Variants in INPP4B observed in about 807,000 individuals in gnomAD.
INPP4B encodes the protein inositol polyphosphate-4-phosphatase type II B.
Under a neutral mutation model 122.5 loss-of-function variants are expected in INPP4B, and 55 were observed. The observed-to-expected ratio is 0.45, with a 90% CI of 0.36 to 0.56. The LOEUF is 0.56. Ranked by LOEUF, INPP4B falls within the 20% of genes least tolerant of loss-of-function variation. INPP4B has a pLI of 0.00. For synonymous variants in INPP4B, 403 were observed against 388.7 expected (o/e 1.04, Z -0.43); for missense variants, 1,000 against 1,097.7 (o/e 0.91, Z 1.26).
intron 10 of INPP4B, among the ~76,000 whole-genome samples, chr4:142,263,416 C>A (rs1420269755): frequency 4.0e-5 from 6 of 151,758 alleles, no homozygotes; most frequent in Admixed American, 3.9e-4. Context: ...ATTGATCCAC[C>A]AATTGTTATG....
At chr4:142,629,203 G>A (rs544963093) in intron 2 of INPP4B, among the ~76,000 whole-genome samples, 16 of 152,114 alleles carry the variant, frequency 1.1e-4, no homozygotes, top group African/African-American at 3.6e-4. Flanking sequence ...TGCTTCCCAG[G>A]GAACTGGCAA....
At chr4:142,678,226 G>C (rs1283414920) in intron 2 of INPP4B, among the ~76,000 whole-genome samples, 2 of 151,858 alleles carry the variant, frequency 1.3e-5, no homozygotes, top group East Asian at 3.9e-4. Flanking sequence ...AATAAAAATT[G>C]AGTCAGTTCA....
intron 2 of INPP4B, among the ~76,000 whole-genome samples, chr4:142,671,026 T>C (rs1488945549): frequency 6.6e-6 from 1 of 152,268 alleles, no homozygotes; most frequent in African/African-American, 2.4e-5. Context: ...AATCTTAATG[T>C]AAATTTACCT....
chr4:142,360,505 G>T lies in INPP4B; in HGVS notation c.372+42433C>A, dbSNP rs78176185. ...GTTACCCTGAACGTACATATCACAC[G>T]TTTTTATTTCCAACGACTACTTCAT... On this transcript the variant is annotated intron_variant, in intron 7 of 25. Coordinates refer to ENST00000262992, the MANE Select transcript of INPP4B (RefSeq NM_001101669.3). Among the ~76,000 whole-genome samples the T allele has an allele frequency of 8.8e-3, 1,340 of 152,026 alleles. 26 individuals are homozygous for T. The highest frequency in any genetic ancestry group is 0.03 in the African/African-American group (1,226 of 41,524).
At chr4:142,510,164 A>G (rs779628090) in intron 2 of INPP4B, among the ~76,000 whole-genome samples, 1 of 152,226 alleles carries the variant, frequency 6.6e-6, no homozygotes, top group Non-Finnish European at 1.5e-5. Flanking sequence ...ATTTTTCTAT[A>G]TAGAATAATT....
At chr4:142,031,844 T>C (rs1740408100) in intron 25 of INPP4B, among the ~76,000 whole-genome samples, 1 of 152,236 alleles carries the variant, frequency 6.6e-6, no homozygotes, top group South Asian at 2.1e-4. Context: ...TAGTGTCTAC[T>C]ATGAACCAAT....
chr4:142,458,183 C>A (rs370414241), intron 3 of INPP4B, among the ~76,000 whole-genome samples: 1 of 152,042 alleles, frequency 6.6e-6, no homozygotes, highest in African/African-American at 2.4e-5. Flanking sequence ...AGGTGGCCAG[C>A]TCAAAAGGCT....
At chr4:142,127,536 A>G (rs774503298) in intron 18 of INPP4B, among the ~76,000 whole-genome samples, 1 of 152,066 alleles carries the variant, frequency 6.6e-6, no homozygotes, top group Non-Finnish European at 1.5e-5. Context: ...CCAGGATAAA[A>G]GGAACACACA....
chr4:142,415,449 A>G (rs145783422), intron 5 of INPP4B, among the ~76,000 whole-genome samples: 9,341 of 150,266 alleles, frequency 0.062, 316 homozygotes, highest in Non-Finnish European at 0.085. Flanking sequence ...TCAAAACCAC[A>G]ATGATACCAT....
Position 142,309,748 on chromosome 4 carries a change from C to G in INPP4B, c.424-4211G>C, listed in dbSNP as rs192590484. On this transcript the variant is annotated intron_variant, in intron 8 of 25. Transcript: ENST00000262992. ...TGCCTGCTCATGACAACTCAACACT[C>G]AGTTATTCTGGTGCAAGAACCCCAA... Among the ~76,000 whole-genome samples the G allele has an allele frequency of 5.3e-3, 809 of 152,296 alleles. 8 individuals are homozygous for G. Among genetic ancestry groups the G allele is most frequent in the Non-Finnish European group, 7.8e-3 (533 of 68,024 alleles).
intron 24 of INPP4B, 117 bp from the exon 25 acceptor site, chr4:142,082,302 T>C (rs1774331056): frequency 1.1e-5 from 9 of 789,494 alleles, no homozygotes; most frequent in Non-Finnish European, 1.7e-5. Context: ...TTCTGTTAGT[T>C]TATGATAGTC....
chr4:142,122,097 G>T, intron 21 of INPP4B, 31 bp downstream of exon 21: 1 of 1,389,376 alleles, frequency 7.2e-7, no homozygotes, highest in Non-Finnish European at 1.0e-6. Context: ...GTCTAACAAA[G>T]CCTGGTCTTC....
intron 1 of INPP4B, among the ~76,000 whole-genome samples, chr4:142,751,283 CAAAAAAAAAAA>C (rs70949187): frequency 1.9e-5 from 2 of 105,100 alleles, no homozygotes. Context: ...TTAACTGTGT[CAAAAAAAAAAA>C]AAAAAAAAAA....
chr4:142,687,608 G>A (rs1035894992), intron 2 of INPP4B, among the ~76,000 whole-genome samples: 30 of 151,326 alleles, frequency 2.0e-4, no homozygotes, highest in Non-Finnish European at 3.8e-4. Context: ...CGGAAGCCTT[G>A]GGCTAGCCCA....
At chr4:142,398,389 AAAAAAAAAAAAAATATATATATATAT>A (rs1472400579) in intron 7 of INPP4B, among the ~76,000 whole-genome samples, 15 of 47,254 alleles carry the variant, frequency 3.2e-4, no homozygotes, top group South Asian at 8.7e-4. Flanking sequence ...AAAAAAAAAA[AAAAAAAAAAAAAATATATATATATAT>A]ATATATATAT....
intron 25 of INPP4B, among the ~76,000 whole-genome samples, chr4:142,034,513 A>T (rs1220254894): frequency 1.3e-5 from 2 of 151,768 alleles, no homozygotes; most frequent in Non-Finnish European, 2.9e-5. Context: ...TCTATTACTC[A>T]CGCAACCCCC....
At position 142,107,941 on chromosome 4, in the gene INPP4B, TG is replaced by T. The variant is rs1787981545; in HGVS notation, c.2374+151del. 7.2e-6 allele frequency: 4 copies of T among 557,692 alleles called. No individual in the cohort carries two copies. The African/African-American group carries it at 7.9e-5, about 11-fold the overall frequency. The allele number at this position is 557,692 out of a possible 1,614,324, so 34.5% of individuals were successfully genotyped here. ...GATGCAGGTGTTGGCCATGCTACCT[TG>T]GCAATCAGTCTTTTTGGATCAGATA... On this transcript the variant is annotated intron_variant, in intron 23 of 25. Coordinates refer to ENST00000262992, the MANE Select transcript of INPP4B (RefSeq NM_001101669.3).
chr4:142,673,566 T>G (rs1757297195), intron 2 of INPP4B, among the ~76,000 whole-genome samples: 4 of 152,082 alleles, frequency 2.6e-5, no homozygotes. Flanking sequence ...AATACACAAG[T>G]GCAGTAGTGT....
intron 7 of INPP4B, among the ~76,000 whole-genome samples, chr4:142,342,214 G>C (rs1379749143): frequency 1.3e-5 from 2 of 151,996 alleles, no homozygotes; most frequent in Non-Finnish European, 2.9e-5. Context: ...CTAGGAAATT[G>C]GTAGTAATTG....
Sources: allele counts gnomAD v4.1 joint callset (sites outside exome capture counted in the v4.1 genomes callset), GRCh38; gene constraint gnomAD v4.1.1; transcripts MANE v1.5; gene names NCBI Gene and HGNC (gene_info 2026-07-23, HGNC 2026-07-21).